The following GLIS1 variants were observed in gnomAD, a reference collection of about 807,000 sequenced individuals.
GLIS1 encodes zinc finger protein GLIS1.
Under a neutral mutation model 63.8 loss-of-function variants are expected in GLIS1, and 24 were observed. The observed-to-expected ratio is 0.38, with a 90% CI of 0.27 to 0.53. The LOEUF is 0.53. GLIS1 is among the 20% of genes least tolerant of loss of function. GLIS1 has a pLI of 0.85. For missense variants in GLIS1, 1,036 were observed against 1,074.1 expected (o/e 0.96, Z 0.50); for synonymous variants, 450 against 482.5 (o/e 0.93, Z 0.88).
At chr1:53,736,996 G>T (rs1425980792) in intron 2 of GLIS1, among the ~76,000 whole-genome samples, 2 of 152,192 alleles carry the variant, frequency 1.3e-5, no homozygotes, top group African/African-American at 4.8e-5. Context: ...AAAAAGGGGG[G>T]AGGACGAGGA....
At chr1:53,581,205 G>A (rs1645081438) in intron 4 of GLIS1, among the ~76,000 whole-genome samples, 1 of 152,186 alleles carries the variant, frequency 6.6e-6, no homozygotes, top group Admixed American at 6.5e-5. Context: ...GGGGTAAGTG[G>A]GTGCTGAGCA....
intron 2 of GLIS1, among the ~76,000 whole-genome samples, chr1:53,627,398 G>A (rs150921399): frequency 6.4e-4 from 97 of 152,272 alleles, no homozygotes; most frequent in African/African-American, 2.2e-3. Context: ...GTGGAGATGC[G>A]TGGAATTCAA....
chr1:53,634,007 G>C (rs533400382), intron 2 of GLIS1, among the ~76,000 whole-genome samples: 2 of 152,268 alleles, frequency 1.3e-5, no homozygotes, highest in Admixed American at 6.5e-5. Context: ...GAGGCATCGG[G>C]ATTTATCAAC....
intron 2 of GLIS1, among the ~76,000 whole-genome samples, chr1:53,606,941 C>G (rs1012459759): frequency 6.6e-6 from 1 of 152,162 alleles, no homozygotes; most frequent in African/African-American, 2.4e-5. Context: ...CGGAGACACC[C>G]GAGCCAGCCC....
Position 53,538,051 on chromosome 1 carries a change from C to A in GLIS1, c.1321-8099G>T, listed in dbSNP as rs370275950. ...AAGCTGGGCACTGAGGGCCGCTCCT[C>A]GCTCCTGCACTCTGGGAGGGGCCGC... is the stretch of plus-strand genomic sequence containing the variant. On this transcript the variant is annotated intron_variant, in intron 4 of 10. Transcript: ENST00000628545. Among the ~76,000 whole-genome samples, 9 of 152,254 alleles carry A rather than the reference C, an allele frequency of 5.9e-5. No individual in the cohort carries two copies. The East Asian group carries it at 1.3e-3, about 23-fold the overall frequency.
chr1:53,524,181 C>A (rs566166630), intron 6 of GLIS1, among the ~76,000 whole-genome samples: 1 of 152,242 alleles, frequency 6.6e-6, no homozygotes, highest in African/African-American at 2.4e-5. Context: ...CCCAAAGGCA[C>A]GTACGTGCCT....
rs762559196 is a variant in GLIS1, at chr1:53,594,946, G to C, written c.482C>G (p.Thr161Ser). Residue 161 changes from threonine to serine, a missense_variant, in exon 4 of 11, where the codon ACC (threonine) becomes AGC (serine). This residue lies in a region of GLIS1 where 592 missense variants were observed against 593.9 expected (regional missense o/e 1.00). Coordinates refer to ENST00000628545, the MANE Select transcript of GLIS1 (RefSeq NM_001367484.1). Reference sequence around the variant, plus strand: ...GGACTCCTGTTTGATGTGTTGTGTGGTTGGGAGGCTGCCGTTCACATACGT... The same window carrying C: ...GGACTCCTGTTTGATGTGTTGTGTGCTTGGGAGGCTGCCGTTCACATACGT... ...QATYVNGSLP[T>S]TQHIKQESLP... is the part of the protein sequence containing the mutation. 1 of 1,475,584 alleles carries C rather than the reference G, an allele frequency of 6.8e-7. No individual in the cohort carries two copies. Among genetic ancestry groups the C allele is most frequent in the Non-Finnish European group, 8.9e-7 (1 of 1,120,558 alleles). 91.4% of individuals were successfully genotyped at this position (1,475,584 alleles called of 1,614,324 possible). A position where few individuals can be genotyped will look rare whatever the true frequency, so the allele number is the denominator to read the frequency against.
intron 2 of GLIS1, among the ~76,000 whole-genome samples, chr1:53,714,983 C>T (rs1453640250): frequency 6.6e-6 from 1 of 152,254 alleles, no homozygotes; most frequent in Non-Finnish European, 1.5e-5. Flanking sequence ...ATGGCACAAT[C>T]ATGCCTCACT....
chr1:53,604,044 G>T (rs1645345088), intron 2 of GLIS1, among the ~76,000 whole-genome samples: 1 of 152,216 alleles, frequency 6.6e-6, no homozygotes, highest in African/African-American at 2.4e-5. Flanking sequence ...TCTGTAAAAT[G>T]GTGCTAACAC....
intron 1 of GLIS1, among the ~76,000 whole-genome samples, chr1:53,738,816 C>A (rs1033561999): frequency 6.6e-6 from 1 of 152,228 alleles, no homozygotes; most frequent in Non-Finnish European, 1.5e-5. Context: ...CACCCGCACA[C>A]CCGCCGAGGC....
intron 2 of GLIS1, among the ~76,000 whole-genome samples, chr1:53,687,805 T>C (rs74084669): frequency 4.1e-4 from 62 of 152,274 alleles, no homozygotes; most frequent in African/African-American, 1.4e-3. Context: ...CAGGCCCCCA[T>C]GTCACCAGGG....
intron 2 of GLIS1, among the ~76,000 whole-genome samples, chr1:53,670,499 G>T (rs1014125726): frequency 6.6e-6 from 1 of 152,172 alleles, no homozygotes; most frequent in Non-Finnish European, 1.5e-5. Context: ...TACACAGGAG[G>T]TGCTTAATAC....
In GLIS1 at chr1:53,506,716, T is replaced by C. The variant is rs185825333; in HGVS notation, c.2291A>G (p.Asp764Gly). Residue 764 changes from aspartate to glycine, a missense_variant, in exon 11 of 11, where the codon GAT becomes GGT. By Grantham distance (94) the Asp-to-Gly change is moderately conservative. Around this residue, in one of 3 missense-constraint regions of GLIS1, gnomAD observed 400 missense variants for 400.9 expected, o/e 1.00. Coordinates refer to ENST00000628545, the MANE Select transcript of GLIS1 (RefSeq NM_001367484.1). ...GTCCTCGGGGCCGCTGGACACCACA[T>C]CTTCAGATGGCTGCTGTGGCAGCGC... Reference protein sequence around the residue: ...PTALPQQPSEDVVSSGPEDCG... With the variant: ...PTALPQQPSEGVVSSGPEDCG... The C allele has an allele frequency of 2.7e-5, 43 of 1,613,254 alleles. No individual in the cohort carries two copies. Among genetic ancestry groups the C allele is most frequent in the Admixed American group, 3.3e-5 (2 of 60,026 alleles).
At chr1:53,678,757 G>C (rs1465548372) in intron 2 of GLIS1, among the ~76,000 whole-genome samples, 2 of 152,218 alleles carry the variant, frequency 1.3e-5, no homozygotes, top group Non-Finnish European at 2.9e-5. Flanking sequence ...CGGGAGCAGA[G>C]CAAGAGTGAG....
chr1:53,510,069 A>G, intron 8 of GLIS1, 42 bp from the exon 9 acceptor site: 1 of 1,181,804 alleles, frequency 8.5e-7, no homozygotes, highest in Non-Finnish European at 1.1e-6. Context: ...AGGGGTCTGG[A>G]GGGTGGGGGC....
chr1:53,736,338 A>G (rs1306989669), intron 2 of GLIS1, among the ~76,000 whole-genome samples: 2 of 152,220 alleles, frequency 1.3e-5, no homozygotes, highest in Non-Finnish European at 2.9e-5. Context: ...GTCTCACCAT[A>G]GCGTGGAACA....
At chr1:53,736,819 GC>G (rs1288670031) in intron 2 of GLIS1, among the ~76,000 whole-genome samples, 3 of 152,170 alleles carry the variant, frequency 2.0e-5, no homozygotes, top group Non-Finnish European at 4.4e-5. Context: ...CTAAAAGTAG[GC>G]TGCCTACCCC....
intron 4 of GLIS1, among the ~76,000 whole-genome samples, chr1:53,567,973 C>A (rs748296323): frequency 2.0e-5 from 3 of 152,224 alleles, no homozygotes; most frequent in Non-Finnish European, 4.4e-5. Flanking sequence ...GTTGGAGCCC[C>A]CACACAGAGC....
At chr1:53,546,105 G>A (rs1030423038) in intron 4 of GLIS1, among the ~76,000 whole-genome samples, 3 of 152,230 alleles carry the variant, frequency 2.0e-5, no homozygotes, top group African/African-American at 7.2e-5. Flanking sequence ...CCCACCCACC[G>A]ATGCACTGAA....
Sources: gnomAD v4.1 joint callset for allele counts (sites outside exome capture counted in the v4.1 genomes callset) on GRCh38, gnomAD v4.1.1 for gene constraint, gnomAD v4.1.1 regional missense constraint, MANE v1.5 for transcripts, NCBI Gene and HGNC (gene_info 2026-07-23, HGNC 2026-07-21) for gene names.